SPMIP11: variants seen among roughly 807,000 people sequenced by gnomAD.
SPMIP11 encodes the protein long intergenic non-protein coding RNA 935.
chr12:48,734,494 C>T, the SPMIP11 span, among the ~76,000 whole-genome samples: 1 of 152,152 alleles, frequency 6.6e-6, no homozygotes, highest in Non-Finnish European at 1.5e-5. Context: ...CATCCCCCAC[C>T]CTTTTTCCAG....
At chr12:48,771,303 T>C in the SPMIP11 span, 3 of 481,334 alleles carry the variant, frequency 6.2e-6, no homozygotes, top group Non-Finnish European at 1.1e-5. This position sits in a 1 kb window ranked among gnomAD's most constrained non-coding sequence, Gnocchi z 4.3. Context: ...TCCAGAACAG[T>C]GAACAGCCCA....
chr12:48,769,761 T>G, the SPMIP11 span, among the ~76,000 whole-genome samples: 2 of 143,414 alleles, frequency 1.4e-5, no homozygotes, highest in Non-Finnish European at 3.0e-5. Context: ...TAATTTTTGT[T>G]TTTTTTTTTT....
the SPMIP11 span, among the ~76,000 whole-genome samples, chr12:48,751,634 T>C: frequency 3.3e-5 from 5 of 152,070 alleles, no homozygotes. Context: ...TTATCAAGTA[T>C]CCAAAGATGT....
chr12:48,732,128 G>A, the SPMIP11 span, among the ~76,000 whole-genome samples: 2 of 143,414 alleles, frequency 1.4e-5, no homozygotes, highest in African/African-American at 5.2e-5. Flanking sequence ...CAGCCTGGGC[G>A]ATAGAGTAAG....
the SPMIP11 span, among the ~76,000 whole-genome samples, chr12:48,753,547 G>A: frequency 4.6e-5 from 7 of 152,228 alleles, no homozygotes; most frequent in East Asian, 1.4e-3. Context: ...AGCCTGGCTG[G>A]AATGTCTTCT....
the SPMIP11 span, among the ~76,000 whole-genome samples, chr12:48,739,738 G>A: frequency 1.3e-5 from 2 of 152,118 alleles, no homozygotes; most frequent in African/African-American, 4.8e-5. Flanking sequence ...ACTATCACGA[G>A]AACAGCAAGT....
At chr12:48,729,320 G>T in the SPMIP11 span, among the ~76,000 whole-genome samples, 2 of 152,082 alleles carry the variant, frequency 1.3e-5, no homozygotes, top group African/African-American at 2.4e-5. Flanking sequence ...CAGATCACAA[G>T]GTCAGGAGTT....
the SPMIP11 span, chr12:48,764,707 G>A: frequency 0.066 from 39,008 of 590,254 alleles, 1,711 homozygotes; most frequent in African/African-American, 0.18. Flanking sequence ...AGCAGGGTGT[G>A]GTGACCACAC....
At chr12:48,753,164 G>A in the SPMIP11 span, among the ~76,000 whole-genome samples, 39,911 of 151,996 alleles carry the variant, frequency 0.26, 6,100 homozygotes, top group East Asian at 0.73. Flanking sequence ...TTCATTGACC[G>A]GAGTCACAGA....
At chr12:48,744,906 T>C in the SPMIP11 span, among the ~76,000 whole-genome samples, 1 of 151,776 alleles carries the variant, frequency 6.6e-6, no homozygotes, top group Non-Finnish European at 1.5e-5. Flanking sequence ...GCAATGGTGA[T>C]GTACAAAAGA....
the SPMIP11 span, chr12:48,770,996 G>A: frequency 1.2e-6 from 2 of 1,607,312 alleles, no homozygotes; most frequent in African/African-American, 1.3e-5. Context: ...AGACCTGGCT[G>A]TCAAGGCAAA....
chr12:48,731,316 C>A, the SPMIP11 span, among the ~76,000 whole-genome samples: 2 of 152,086 alleles, frequency 1.3e-5, no homozygotes, highest in African/African-American at 4.8e-5. Flanking sequence ...CACAGAGAAA[C>A]CCCGTCTCTA....
At chr12:48,742,567 C>T in the SPMIP11 span, among the ~76,000 whole-genome samples, 3 of 151,988 alleles carry the variant, frequency 2.0e-5, no homozygotes, top group African/African-American at 7.2e-5. Context: ...GGCCCGTGCC[C>T]GGCCTCAGCT....
the SPMIP11 span, among the ~76,000 whole-genome samples, chr12:48,754,474 G>A: frequency 7.9e-5 from 12 of 151,624 alleles, no homozygotes; most frequent in African/African-American, 1.9e-4. Flanking sequence ...TTTTTTAGAC[G>A]GAGTCTCGCT....
chr12:48,758,620 A>G, the SPMIP11 span, among the ~76,000 whole-genome samples: 1 of 152,216 alleles, frequency 6.6e-6, no homozygotes. Context: ...ATTCCCAAAC[A>G]TAATGAATGC....
chr12:48,736,220 A>C, the SPMIP11 span: 1 of 359,520 alleles, frequency 2.8e-6, no homozygotes, highest in South Asian at 2.0e-5. Context: ...GATGAACAAC[A>C]TGGGGAAACC....
the SPMIP11 span, among the ~76,000 whole-genome samples, chr12:48,730,915 G>A: frequency 6.6e-6 from 1 of 152,162 alleles, no homozygotes; most frequent in Admixed American, 6.5e-5. Context: ...TCCAGCCTGG[G>A]TGACAAAAGC....
the SPMIP11 span, chr12:48,727,708 G>C: frequency 1.7e-6 from 1 of 588,218 alleles, no homozygotes; most frequent in Admixed American, 2.8e-5. Context: ...GTGGAATAGG[G>C]ACAATATCCT....
the SPMIP11 span, among the ~76,000 whole-genome samples, chr12:48,742,919 A>G: frequency 6.6e-6 from 1 of 152,132 alleles, no homozygotes; most frequent in Non-Finnish European, 1.5e-5. Context: ...AAGAAAAGCC[A>G]CAGCCCTTTT....
Sources: allele counts gnomAD v4.1 joint callset (sites outside exome capture counted in the v4.1 genomes callset), GRCh38; gene constraint gnomAD v4.1.1; non-coding constraint Gnocchi (gnomAD v3.1); transcripts MANE v1.5; gene names NCBI Gene and HGNC (gene_info 2026-07-23, HGNC 2026-07-21).